The following TMEM161B variants were observed in gnomAD, a reference collection of about 807,000 sequenced individuals.
TMEM161B encodes transmembrane protein 161B.
A neutral mutation model predicts 61.8 loss-of-function variants in TMEM161B; 34 were observed. The ratio of observed to expected loss-of-function variants is 0.55; its 90% CI spans 0.42 to 0.73. The LOEUF is 0.73. TMEM161B is among the 30% of genes least tolerant of loss of function. The pLI, the probability that TMEM161B is intolerant of heterozygous loss-of-function variation, is 0.00. For synonymous variants in TMEM161B, 167 were observed against 192.8 expected (o/e 0.87, Z 1.11); for missense variants, 456 against 558.5 (o/e 0.82, Z 1.85).
intron 1 of TMEM161B, among the ~76,000 whole-genome samples, chr5:88,267,944 C>T (rs1349388891): frequency 1.3e-5 from 2 of 152,186 alleles, no homozygotes; most frequent in Non-Finnish European, 2.9e-5. Context: ...ACAAACCTCT[C>T]CTAACAGCTC....
chr5:88,230,600 G>C (rs1750830936), intron 2 of TMEM161B, among the ~76,000 whole-genome samples: 1 of 152,132 alleles, frequency 6.6e-6, no homozygotes, highest in Non-Finnish European at 1.5e-5. Flanking sequence ...TTTCTGGCTT[G>C]ACTAAGTGAC....
chr5:88,223,787 G>A (rs889458667), intron 4 of TMEM161B, among the ~76,000 whole-genome samples: 2 of 152,092 alleles, frequency 1.3e-5, no homozygotes, highest in African/African-American at 2.4e-5. Flanking sequence ...TACTCAGGAG[G>A]CTGAGGCAGG....
At position 88,229,590 on chromosome 5, in the gene TMEM161B, G is replaced by T. The variant is rs370178833; in HGVS notation, c.108-1062C>A. ...CATGCCTGTTTAAATCATTTCCAAG[G>T]CTCCTCACAGGGAAAAGCAATGAAT... is the stretch of plus-strand genomic sequence containing the variant. On this transcript the variant is annotated intron_variant, in intron 2 of 11. Transcript: ENST00000296595. 1.4e-4 allele frequency among the ~76,000 whole-genome samples: 21 copies of T among 149,878 alleles called. No homozygotes were observed. The South Asian group carries it at 3.8e-3, about 27-fold the overall frequency.
intron 7 of TMEM161B, 100 bp from the exon 8 acceptor site, chr5:88,206,054 T>A: frequency 1.0e-6 from 1 of 978,782 alleles, no homozygotes; most frequent in Non-Finnish European, 1.5e-6. Flanking sequence ...ACAATAACAG[T>A]AAAACAAAGC....
intron 1 of TMEM161B, among the ~76,000 whole-genome samples, chr5:88,266,864 G>C (rs1756440326): frequency 6.6e-6 from 1 of 152,160 alleles, no homozygotes; most frequent in South Asian, 2.1e-4. Flanking sequence ...AGAAATATAA[G>C]CACTTCCAGA....
At chr5:88,191,683 C>A (rs566261594), downstream of TMEM161B, among the ~76,000 whole-genome samples, 1 of 151,888 alleles carries the variant, frequency 6.6e-6, no homozygotes, top group Non-Finnish European at 1.5e-5. Context: ...GCCGGCCAGG[C>A]GCGGTGGCCC....
intron 1 of TMEM161B, among the ~76,000 whole-genome samples, chr5:88,267,612 G>GC (rs1756563017): frequency 6.6e-6 from 1 of 152,108 alleles, no homozygotes; most frequent in Admixed American, 6.5e-5. Context: ...CTTCACCAGA[G>GC]CCCCGTGATC....
At chr5:88,191,706 C>T (rs1222803279), downstream of TMEM161B, among the ~76,000 whole-genome samples, 1 of 151,558 alleles carries the variant, frequency 6.6e-6, no homozygotes, top group East Asian at 1.9e-4. Flanking sequence ...GCCTGTAATC[C>T]CAGCACTTTG....
intron 7 of TMEM161B, 70 bp from the exon 8 acceptor site, chr5:88,206,024 A>G (rs1745397044): frequency 8.4e-7 from 1 of 1,197,050 alleles, no homozygotes; most frequent in Admixed American, 2.5e-5. Context: ...CTTTTCTTCT[A>G]ATCAATTATC....
downstream of TMEM161B, among the ~76,000 whole-genome samples, chr5:88,187,711 G>A (rs1348512037): frequency 1.3e-5 from 2 of 151,852 alleles, no homozygotes; most frequent in Non-Finnish European, 2.9e-5. Flanking sequence ...ATTTCTCCTT[G>A]AACCAATTTT....
At position 88,268,820 on chromosome 5, in the gene TMEM161B, A is replaced by G; in HGVS notation, c.-97T>C. The G allele has an allele frequency of 2.5e-6, 4 of 1,589,290 alleles. No individual in the cohort carries two copies. The highest frequency in any genetic ancestry group is 2.3e-5 in the East Asian group (1 of 44,400). On this transcript the variant is annotated 5_prime_UTR_variant, in exon 1 of 12. Transcript: ENST00000296595. ...TCCTTGAGCCGAGAGACTCTCAAACAGCGAAAGAGAGGGTCTTCCGGCTCT... is the reference window on the plus strand; with the variant it reads ...TCCTTGAGCCGAGAGACTCTCAAACGGCGAAAGAGAGGGTCTTCCGGCTCT...
At chr5:88,253,578 T>C (rs527561570) in intron 1 of TMEM161B, among the ~76,000 whole-genome samples, 8 of 152,222 alleles carry the variant, frequency 5.3e-5, no homozygotes, top group Non-Finnish European at 1.0e-4. Context: ...GGCTAGACTT[T>C]AGTATGGGTT....
intron 2 of TMEM161B, among the ~76,000 whole-genome samples, chr5:88,237,000 T>A (rs1173499008): frequency 1.3e-5 from 2 of 152,180 alleles, no homozygotes; most frequent in Non-Finnish European, 2.9e-5. Context: ...CAGGACAAGA[T>A]GTGGAACTGA....
At chr5:88,232,824 T>C (rs1229010398) in intron 2 of TMEM161B, among the ~76,000 whole-genome samples, 4 of 152,236 alleles carry the variant, frequency 2.6e-5, no homozygotes, top group Non-Finnish European at 4.4e-5. Flanking sequence ...TCTGCCCGCC[T>C]TGGCTTCCCA....
chr5:88,199,168 G>C lies in TMEM161B; in HGVS notation c.915-18C>G, dbSNP rs770768628. On this transcript the variant is annotated intron_variant, in intron 9 of 11. Transcript: ENST00000296595. ...CTGTCATTCTACAGATCAAAAAGTTGATACGGTGCTCTCAAAGACAACAAT... is the reference window on the plus strand; with the variant it reads ...CTGTCATTCTACAGATCAAAAAGTTCATACGGTGCTCTCAAAGACAACAAT... The C allele has an allele frequency of 5.0e-6, 8 of 1,587,082 alleles. No individual in the cohort carries two copies. Among genetic ancestry groups the C allele is most frequent in the African/African-American group, 2.7e-5 (2 of 74,136 alleles).
downstream of TMEM161B, among the ~76,000 whole-genome samples, chr5:88,194,108 A>G (rs1561289984): frequency 6.6e-6 from 1 of 152,150 alleles, no homozygotes; most frequent in Non-Finnish European, 1.5e-5. Context: ...TAGTGAACAT[A>G]GTATGCAACA....
chr5:88,251,824 A>T (rs1374119286), intron 1 of TMEM161B, among the ~76,000 whole-genome samples: 1 of 152,164 alleles, frequency 6.6e-6, no homozygotes, highest in African/African-American at 2.4e-5. Flanking sequence ...TCTAATATAC[A>T]TCCAGTATCT....
Position 88,200,309 on chromosome 5 carries a change from C to T in TMEM161B, c.915-1159G>A, listed in dbSNP as rs184690625. The T allele has an allele frequency of 7.8e-4, 119 of 152,080 alleles. 2 individuals carry two copies. The highest frequency in any genetic ancestry group is 2.7e-3 in the African/African-American group (112 of 41,500). 9.4% of individuals were successfully genotyped at this position (152,080 alleles called of 1,614,324 possible). The stretch of plus-strand genomic sequence containing the variant: ...TTGGCTAAGAAAGATAAAGGCATAA[C>T]ATTTTATCAACATGTTTCCACTACA... On this transcript the variant is annotated intron_variant, in intron 9 of 11. Coordinates refer to ENST00000296595, the MANE Select transcript of TMEM161B (RefSeq NM_153354.5).
At position 88,209,563 on chromosome 5, in the gene TMEM161B, A is replaced by G. The variant is rs374758514; in HGVS notation, c.447-2383T>C. Among the ~76,000 whole-genome samples, 10 of 152,326 alleles carry G rather than the reference A, an allele frequency of 6.6e-5. No homozygotes were observed. In the South Asian group the frequency reaches 1.0e-3, roughly 16 times the overall value. ...CAATCTGATCCAGACATGAAGCATGATCTTGCACTTATCACTAATACTTTA... is the reference window on the plus strand; with the variant it reads ...CAATCTGATCCAGACATGAAGCATGGTCTTGCACTTATCACTAATACTTTA... On this transcript the variant is annotated intron_variant, in intron 5 of 11. Transcript: ENST00000296595.
Sources: allele counts gnomAD v4.1 joint callset (sites outside exome capture counted in the v4.1 genomes callset), GRCh38; gene constraint gnomAD v4.1.1; transcripts MANE v1.5; gene names NCBI Gene and HGNC (gene_info 2026-07-23, HGNC 2026-07-21).